Variants in EPAS1 observed in about 807,000 individuals in gnomAD.
EPAS1 encodes the protein endothelial PAS domain protein 1, also known as endothelial PAS domain-containing protein 1.
A neutral mutation model predicts 87.9 loss-of-function variants in EPAS1; 23 were observed. That is an observed-to-expected ratio of 0.26 (90% CI 0.19 to 0.37). EPAS1 has a LOEUF of 0.37. EPAS1 is among the 10% of genes least tolerant of loss of function. The pLI is 1.00. For missense variants in EPAS1, 1,138 were observed against 1,120.7 expected (o/e 1.02, Z -0.22); for synonymous variants, 508 against 444.3 (o/e 1.14, Z -1.80).
chr2:46,304,230 A>G (rs1463847004), intron 1 of EPAS1, among the ~76,000 whole-genome samples: 1 of 152,150 alleles, frequency 6.6e-6, no homozygotes, highest in Non-Finnish European at 1.5e-5. Context: ...CTTTACATGG[A>G]TTAACTTTTT....
At chr2:46,374,394 G>C (rs1027933995) in intron 7 of EPAS1, among the ~76,000 whole-genome samples, 1 of 152,138 alleles carries the variant, frequency 6.6e-6, no homozygotes, top group Non-Finnish European at 1.5e-5. Context: ...CTAAGAAAGA[G>C]GTGGCTTTTC....
intron 2 of EPAS1, among the ~76,000 whole-genome samples, chr2:46,355,225 T>C (rs1276618930): frequency 2.0e-5 from 3 of 152,254 alleles, no homozygotes; most frequent in Admixed American, 6.5e-5. Context: ...ACTGTTCTTA[T>C]AGTTTTAGGC....
intron 1 of EPAS1, among the ~76,000 whole-genome samples, chr2:46,343,500 T>G (rs913959450): frequency 1.3e-5 from 2 of 152,254 alleles, no homozygotes; most frequent in Non-Finnish European, 2.9e-5. Flanking sequence ...ACAATGTTTT[T>G]AGCAAATTAT....
chr2:46,381,524 C>T, intron 12 of EPAS1, 72 bp from the exon 13 acceptor site: 2 of 1,611,314 alleles, frequency 1.2e-6, no homozygotes, highest in Non-Finnish European at 1.7e-6. Flanking sequence ...TGGAAGGGCC[C>T]CTAAGATGAG....
intron 6 of EPAS1, among the ~76,000 whole-genome samples, chr2:46,366,464 C>A (rs530716935): frequency 6.6e-6 from 1 of 152,182 alleles, no homozygotes; most frequent in African/African-American, 2.4e-5. Context: ...TTTCTATTTC[C>A]TTTCATCCTT....
At chr2:46,369,539 A>G (rs1000555583) in intron 6 of EPAS1, among the ~76,000 whole-genome samples, 5 of 152,166 alleles carry the variant, frequency 3.3e-5, no homozygotes, top group Admixed American at 6.5e-5. Flanking sequence ...GAACAGACAT[A>G]TGTGTGTACC....
At position 46,361,134 on chromosome 2, in the gene EPAS1, T is replaced by A. The variant is rs779596327; in HGVS notation, c.779+44T>A. 57 of 1,596,400 alleles carry A rather than the reference T, an allele frequency of 3.6e-5. No homozygotes were observed. In the South Asian group the frequency reaches 6.1e-4, roughly 17 times the overall value. On this transcript the variant is annotated intron_variant, in intron 6 of 15. Coordinates refer to ENST00000263734, the MANE Select transcript of EPAS1 (RefSeq NM_001430.5). ...GTATGCTGTGGGCAGAGATGGGTCT[T>A]ACCTGTGTGTGTGGGGAGTTGTGCC...
chr2:46,382,497 C>G lies in EPAS1; in HGVS notation c.2360C>G (p.Ser787Cys). The G allele has an allele frequency of 6.2e-7, 1 of 1,614,198 alleles. No individual in the cohort carries two copies. Among genetic ancestry groups the G allele is most frequent in the African/African-American group, 1.3e-5 (1 of 75,060 alleles). The change falls in exon 15 of 16, where the codon TCT (serine) becomes TGT (cysteine). Residue 787 changes from serine to cysteine, a missense_variant. By Grantham distance (112) the Ser-to-Cys change is moderately radical (BLOSUM62 -1). Transcript: ENST00000263734. ...CATCTGCCGCTGCCACAGCCTCCATCTGCCATCAGTCCCGGGGAGAACAGC... is the reference window on the plus strand; with the variant it reads ...CATCTGCCGCTGCCACAGCCTCCATGTGCCATCAGTCCCGGGGAGAACAGC... Reference protein sequence around the residue: ...LRHLPLPQPPSAISPGENSKS... With the variant: ...LRHLPLPQPPCAISPGENSKS...
At chr2:46,337,083 C>G (rs893638042) in intron 1 of EPAS1, among the ~76,000 whole-genome samples, 3 of 152,218 alleles carry the variant, frequency 2.0e-5, no homozygotes, top group African/African-American at 7.2e-5. Flanking sequence ...TTGAGGAATC[C>G]ACAGAACTGA....
intron 1 of EPAS1, among the ~76,000 whole-genome samples, chr2:46,307,091 A>G (rs79259818): frequency 0.023 from 3,465 of 152,316 alleles, 68 homozygotes; most frequent in Non-Finnish European, 0.033. Flanking sequence ...TTGCTTTCGC[A>G]GTAAGTTTCT....
At chr2:46,312,631 T>C (rs1211684278) in intron 1 of EPAS1, among the ~76,000 whole-genome samples, 1 of 152,186 alleles carries the variant, frequency 6.6e-6, no homozygotes, top group Non-Finnish European at 1.5e-5. Flanking sequence ...AAGGCAGCCT[T>C]AGGAAAAGCT....
rs1158128782 is a variant in EPAS1 at position 46,334,027 on chromosome 2, G to A, written c.27-12846G>A. Among the ~76,000 whole-genome samples the A allele has an allele frequency of 2.0e-5, 3 of 152,162 alleles. No individual in the cohort carries two copies. The East Asian group carries it at 5.8e-4, about 29-fold the overall frequency. On this transcript the variant is annotated intron_variant, in intron 1 of 15. Transcript: ENST00000263734. ...AAGAATGCCTTGCGGAGGTCTCTGT[G>A]GACTGAGCTGAGGCTCCAGCCTGTG...
Position 46,337,192 on chromosome 2 carries a change from C to T in EPAS1, c.27-9681C>T, listed in dbSNP as rs146888550. 8.9e-4 allele frequency among the ~76,000 whole-genome samples: 136 copies of T among 152,108 alleles called. 1 individual carries two copies. The highest frequency in any genetic ancestry group is 1.6e-3 in the Non-Finnish European group (112 of 67,982). The stretch of plus-strand genomic sequence containing the variant: ...AAAAGAACAGGTGTGGGGTTCTTTC[C>T]CTGAAGAGTATGTGGTCTAGTTAGG... On this transcript the variant is annotated intron_variant, in intron 1 of 15. Coordinates refer to ENST00000263734, the MANE Select transcript of EPAS1 (RefSeq NM_001430.5).
intron 13 of EPAS1, 91 bp downstream of exon 13, chr2:46,381,813 C>G (rs933525963): frequency 6.3e-7 from 1 of 1,582,920 alleles, no homozygotes; most frequent in Admixed American, 1.7e-5. Context: ...CCCTTCCAAG[C>G]CAGCATAGCC....
At chr2:46,353,731 C>G (rs1041965946) in intron 2 of EPAS1, among the ~76,000 whole-genome samples, 1 of 152,198 alleles carries the variant, frequency 6.6e-6, no homozygotes, top group African/African-American at 2.4e-5. Context: ...ACAGGTGTAT[C>G]AGCAGAAACC....
At chr2:46,349,132 TG>T (rs1156837183) in intron 2 of EPAS1, among the ~76,000 whole-genome samples, 1 of 151,218 alleles carries the variant, frequency 6.6e-6, no homozygotes, top group African/African-American at 2.4e-5. Context: ...GGCTGGGGTA[TG>T]GGGTGTGGGG....
rs1684966847 is a variant in EPAS1, at chr2:46,384,498, C to G, written c.2462-11C>G. The G allele has an allele frequency of 1.2e-6, 2 of 1,614,092 alleles. No individual in the cohort carries two copies. The highest frequency in any genetic ancestry group is 1.7e-6 in the Non-Finnish European group (2 of 1,180,032). On this transcript the variant is annotated splice_polypyrimidine_tract_variant and intron_variant, in intron 15 of 15. Transcript: ENST00000263734. ...TAGGCCTTTAAGTTATGGTACCAAC[C>G]CTTCTTTCAGGCATGGCAAGCCGGC...
chr2:46,368,168 A>G (rs1295319854), intron 6 of EPAS1, among the ~76,000 whole-genome samples: 2 of 152,208 alleles, frequency 1.3e-5, no homozygotes, highest in African/African-American at 4.8e-5. Flanking sequence ...AGACAAATGC[A>G]TAATTTTCTG....
At chr2:46,370,460 T>C (rs76683854) in intron 7 of EPAS1, among the ~76,000 whole-genome samples, 5,412 of 152,160 alleles carry the variant, frequency 0.036, 174 homozygotes, top group African/African-American at 0.082. Context: ...ACTTAACACA[T>C]ATGTTGAGGT....
Sources: gnomAD v4.1 joint callset for allele counts (sites outside exome capture counted in the v4.1 genomes callset) on GRCh38, gnomAD v4.1.1 for gene constraint, MANE v1.5 for transcripts, NCBI Gene and HGNC (gene_info 2026-07-23, HGNC 2026-07-21) for gene names.